The following BMP2K variants were observed in gnomAD, a reference collection of about 807,000 sequenced individuals.
The protein encoded by BMP2K is BMP-2-inducible protein kinase.
A neutral mutation model predicts 116.0 loss-of-function variants in BMP2K; 74 were observed. That is an observed-to-expected ratio of 0.64 (90% CI 0.53 to 0.77). BMP2K has a LOEUF of 0.77. Ranked by LOEUF, BMP2K falls within the 30% of genes least tolerant of loss-of-function variation. The pLI is 0.00. For missense variants in BMP2K, 1,365 were observed against 1,403.6 expected, an observed-to-expected ratio of 0.97 and a Z score of 0.44; for synonymous variants, 486 against 502.5, an observed-to-expected ratio of 0.97 and a Z score of 0.44.
intron 7 of BMP2K, 22 bp downstream of exon 7, chr4:78,851,078 T>G (rs774329943): frequency 6.3e-7 from 1 of 1,594,708 alleles, no homozygotes; most frequent in Non-Finnish European, 8.6e-7. Flanking sequence ...GGAAAATGTA[T>G]GAAAATATTG....
intron 1 of BMP2K, among the ~76,000 whole-genome samples, chr4:78,808,384 C>T (rs779765218): frequency 6.6e-6 from 1 of 151,488 alleles, no homozygotes; most frequent in Non-Finnish European, 1.5e-5. Context: ...TCCCGCCTCA[C>T]CCTCCTGAGT....
chr4:78,808,357 C>G (rs917862171), intron 1 of BMP2K, among the ~76,000 whole-genome samples: 3 of 151,508 alleles, frequency 2.0e-5, no homozygotes, highest in Non-Finnish European at 4.4e-5. Context: ...GCTTCACCTC[C>G]TGGGTTCACA....
rs1014694259 is a variant in BMP2K, at chr4:78,913,834, C to T, written c.*1801C>T. Reference sequence around the variant, plus strand: ...TGTAGCAGAGGCAGACCAAGCATTACATTATTATTTAGAGCTGGACTGCAC... The same window carrying T: ...TGTAGCAGAGGCAGACCAAGCATTATATTATTATTTAGAGCTGGACTGCAC... On this transcript the variant is annotated 3_prime_UTR_variant, in exon 16 of 16. Transcript: ENST00000502613. 6.6e-6 allele frequency: 1 copy of T among 151,420 alleles called. No individual in the cohort carries two copies. The highest frequency in any genetic ancestry group is 1.5e-5 in the Non-Finnish European group (1 of 67,928). The allele number at this position is 151,420 out of a possible 1,614,324, so 9.4% of individuals were successfully genotyped here.
chr4:78,809,157 TA>T (rs1728961144), intron 1 of BMP2K, among the ~76,000 whole-genome samples: 1 of 152,232 alleles, frequency 6.6e-6, no homozygotes, highest in Non-Finnish European at 1.5e-5. Flanking sequence ...ATGTTTGTAA[TA>T]TATCTTTCTG....
intron 7 of BMP2K, among the ~76,000 whole-genome samples, chr4:78,856,546 C>T (rs1211878833): frequency 6.6e-6 from 1 of 151,698 alleles, no homozygotes; most frequent in Non-Finnish European, 1.5e-5. Context: ...TGATAATATT[C>T]AATTTAGAAA....
chr4:78,872,629 C>T lies in BMP2K; in HGVS notation c.1624C>T (p.Gln542Ter). Residue 542 changes from glutamine to a stop codon, truncating the protein, a stop_gained, in exon 13 of 16, where the codon CAG becomes TAG. Coordinates refer to ENST00000502613, the MANE Select transcript of BMP2K (RefSeq NM_198892.2). LOFTEE classifies it high-confidence loss of function. ...QYPTMMPQYQ[Q>*]AFFQQQMLAQ... Reference sequence around the variant, plus strand: ...CTTTTTTCAGATGCCGCAGTATCAGCAGGCTTTCTTTCAACAGCAGATGCT... The same window carrying T: ...CTTTTTTCAGATGCCGCAGTATCAGTAGGCTTTCTTTCAACAGCAGATGCT... The T allele has an allele frequency of 6.2e-7, 1 of 1,613,920 alleles. No homozygotes were observed. The highest frequency in any genetic ancestry group is 8.5e-7 in the Non-Finnish European group (1 of 1,179,910).
At chr4:78,909,882 A>G (rs1004427490) in intron 15 of BMP2K, among the ~76,000 whole-genome samples, 6 of 152,222 alleles carry the variant, frequency 3.9e-5, no homozygotes, top group African/African-American at 1.2e-4. Context: ...CTTTCGTTGA[A>G]TGAACTCAGA....
rs113795064 is a variant in BMP2K at position 78,796,400 on chromosome 4, G to A, written c.178+19679G>A. On this transcript the variant is annotated intron_variant, in intron 1 of 15. Coordinates refer to ENST00000502613, the MANE Select transcript of BMP2K (RefSeq NM_198892.2). ...GGGGACTGTTGGGGGGTGGGGGGAG[G>A]GGGGAGGGATAGCATTGGGAGATAT... Among the ~76,000 whole-genome samples, 11 of 120,248 alleles carry A rather than the reference G, an allele frequency of 9.1e-5. No individual in the cohort carries two copies. In the East Asian group the frequency reaches 2.1e-3, roughly 23 times the overall value. The allele number at this position is 120,248 out of a possible 152,430, so 78.9% of individuals were successfully genotyped here.
intron 1 of BMP2K, among the ~76,000 whole-genome samples, chr4:78,800,831 T>C (rs1728535340): frequency 6.6e-6 from 1 of 152,206 alleles, no homozygotes; most frequent in Non-Finnish European, 1.5e-5. Context: ...AAATGTAATA[T>C]TACATTTATT....
intron 2 of BMP2K, among the ~76,000 whole-genome samples, chr4:78,829,760 C>G (rs1037372748): frequency 1.9e-5 from 2 of 104,466 alleles, no homozygotes; most frequent in Admixed American, 9.0e-5. Flanking sequence ...ACAATCTTTT[C>G]TTTTCTTTTC....
chr4:78,897,315 C>T (rs548872922), intron 15 of BMP2K, among the ~76,000 whole-genome samples: 12 of 151,568 alleles, frequency 7.9e-5, no homozygotes, highest in Middle Eastern at 6.9e-3. Context: ...ATTTAAAGTG[C>T]CCTAAATATC....
At chr4:78,879,418 A>G in intron 14 of BMP2K, 1 of 985,770 alleles carries the variant, frequency 1.0e-6, no homozygotes, top group Non-Finnish European at 1.2e-6. Flanking sequence ...AATTAAATAA[A>G]TTCTTTTTCA....
Position 78,849,201 on chromosome 4 carries a change from G to A in BMP2K, c.751-1723G>A, listed in dbSNP as rs572083419. Reference sequence around the variant, plus strand: ...AAAGTATTAGAAAATTCATTAATAGGTAACATAAAGAAATGCTTTATGTTA... The same window carrying A: ...AAAGTATTAGAAAATTCATTAATAGATAACATAAAGAAATGCTTTATGTTA... On this transcript the variant is annotated intron_variant, in intron 6 of 15. Transcript: ENST00000502613. Among the ~76,000 whole-genome samples, 5 of 150,834 alleles carry A rather than the reference G, an allele frequency of 3.3e-5. No homozygotes were observed. The South Asian group carries it at 1.0e-3, about 31-fold the overall frequency.
intron 15 of BMP2K, among the ~76,000 whole-genome samples, chr4:78,906,946 G>C (rs1577982342): frequency 6.6e-6 from 1 of 152,214 alleles, no homozygotes; most frequent in East Asian, 1.9e-4. Context: ...TTTAGTAGCT[G>C]TGTTAATTAC....
intron 15 of BMP2K, among the ~76,000 whole-genome samples, chr4:78,909,461 C>G (rs1246153518): frequency 6.6e-6 from 1 of 152,082 alleles, no homozygotes; most frequent in Non-Finnish European, 1.5e-5. Flanking sequence ...ATATACGCTG[C>G]TTATCATGGC....
chr4:78,897,955 T>G (rs1733791036), intron 15 of BMP2K, among the ~76,000 whole-genome samples: 1 of 152,212 alleles, frequency 6.6e-6, no homozygotes, highest in Non-Finnish European at 1.5e-5. Context: ...ATTATTCTGT[T>G]GGTGCACAAA....
intron 15 of BMP2K, among the ~76,000 whole-genome samples, chr4:78,888,361 G>T (rs1048327116): frequency 2.6e-5 from 4 of 152,128 alleles, no homozygotes; most frequent in African/African-American, 9.7e-5. Flanking sequence ...AATACCCTGG[G>T]TAATGGAATT....
intron 1 of BMP2K, among the ~76,000 whole-genome samples, chr4:78,804,768 T>C (rs1728738897): frequency 6.6e-6 from 1 of 151,784 alleles, no homozygotes; most frequent in African/African-American, 2.4e-5. Flanking sequence ...TTTTGTAAAA[T>C]TGGGTTGTCT....
intron 1 of BMP2K, among the ~76,000 whole-genome samples, chr4:78,787,575 T>C (rs948351964): frequency 3.7e-4 from 56 of 152,110 alleles, no homozygotes; most frequent in African/African-American, 1.3e-3. Flanking sequence ...TGGCTTTATC[T>C]TGAGTGGCGG....
Sources: gnomAD v4.1 joint callset for allele counts (sites outside exome capture counted in the v4.1 genomes callset) on GRCh38, gnomAD v4.1.1 for gene constraint, MANE v1.5 for transcripts, NCBI Gene and HGNC (gene_info 2026-07-23, HGNC 2026-07-21) for gene names.